Variants in CSMD1 observed in about 807,000 individuals in gnomAD.
The protein encoded by CSMD1 is CUB and Sushi multiple domains 1.
Under a neutral mutation model 417.5 loss-of-function variants are expected in CSMD1, and 213 were observed. That is an observed-to-expected ratio of 0.51 (90% CI 0.46 to 0.57). The LOEUF (loss-of-function observed/expected upper bound fraction) is 0.57, where lower values mean the gene tolerates loss of function less well. CSMD1 is among the 20% of genes least tolerant of loss of function. CSMD1 has a pLI of 0.00. For missense variants in CSMD1, 6,923 were observed against 4,529.7 expected (o/e 1.53, Z -15.17); for synonymous variants, 2,862 against 1,736.8 (o/e 1.65, Z -16.11).
chr8:4,564,150 G>C lies in CSMD1; in HGVS notation c.302+73192C>G, dbSNP rs776757839. 1.2e-4 allele frequency among the ~76,000 whole-genome samples: 19 copies of C among 152,172 alleles called. No individual in the cohort carries two copies. The Middle Eastern group carries it at 0.017, about 136-fold the overall frequency. On this transcript the variant is annotated intron_variant, in intron 2 of 69. Transcript: ENST00000635120. ...TTCTATAAAATGAACACGTATAAAAGGTTCAGAAGATAATGGTCAAGTCAT... is the reference window on the plus strand; with the variant it reads ...TTCTATAAAATGAACACGTATAAAACGTTCAGAAGATAATGGTCAAGTCAT...
intron 3 of CSMD1, among the ~76,000 whole-genome samples, chr8:4,393,763 A>T (rs190110721): frequency 3.5e-4 from 54 of 152,330 alleles, no homozygotes; most frequent in Admixed American, 1.5e-3. Context: ...ATTGCCTTAA[A>T]AACAGAAAAA....
In CSMD1 at chr8:4,994,545, C is replaced by A. The variant is rs543559902; in HGVS notation, c.-129G>T. On this transcript the variant is annotated 5_prime_UTR_variant, in exon 1 of 70. Coordinates refer to ENST00000635120, the MANE Select transcript of CSMD1 (RefSeq NM_033225.6). ...GAGAGCCCGGTCCCAAGACCCGCCG[C>A]GCATCCGACGCCTCCTGAAGGTCTG... 5 of 788,434 alleles carry A rather than the reference C, an allele frequency of 6.3e-6. No individual in the cohort carries two copies. The highest frequency in any genetic ancestry group is 5.1e-5 in the African/African-American group (3 of 58,582). The allele number at this position is 788,434 out of a possible 1,614,324, so 48.8% of individuals were successfully genotyped here.
intron 7 of CSMD1, among the ~76,000 whole-genome samples, chr8:3,707,124 G>C (rs758172903): frequency 6.6e-6 from 1 of 152,136 alleles, no homozygotes; most frequent in Non-Finnish European, 1.5e-5. Context: ...GCAGGACTGA[G>C]CACAGACTAT....
intron 1 of CSMD1, among the ~76,000 whole-genome samples, chr8:4,855,321 G>A (rs957190373): frequency 6.6e-6 from 1 of 152,028 alleles, no homozygotes; most frequent in African/African-American, 2.4e-5. Flanking sequence ...GGAAAAAACA[G>A]AACAGAAAAA....
chr8:4,242,681 T>A (rs1487722527), intron 3 of CSMD1, among the ~76,000 whole-genome samples: 1 of 151,380 alleles, frequency 6.6e-6, no homozygotes, highest in Non-Finnish European at 1.5e-5. Flanking sequence ...CAGACCCCAA[T>A]CCAGGGCTCA....
At chr8:3,185,571 A>G (rs532559777) in intron 36 of CSMD1, among the ~76,000 whole-genome samples, 2 of 152,352 alleles carry the variant, frequency 1.3e-5, no homozygotes, top group African/African-American at 4.8e-5. Flanking sequence ...CCTATTTCTA[A>G]TATTAGGATA....
intron 26 of CSMD1, among the ~76,000 whole-genome samples, chr8:3,237,406 G>A (rs550169221): frequency 2.1e-3 from 322 of 151,650 alleles, no homozygotes; most frequent in African/African-American, 7.4e-3. Context: ...ACAGTGAGCT[G>A]AGATGGCACC....
intron 26 of CSMD1, among the ~76,000 whole-genome samples, chr8:3,254,872 G>C (rs534353847): frequency 1.3e-5 from 2 of 152,056 alleles, no homozygotes; most frequent in Non-Finnish European, 2.9e-5. Context: ...CTCTCAACTT[G>C]TCAAAGTCAT....
chr8:4,827,207 G>C (rs1035337290), intron 1 of CSMD1, among the ~76,000 whole-genome samples: 3 of 152,084 alleles, frequency 2.0e-5, no homozygotes, highest in Non-Finnish European at 4.4e-5. Flanking sequence ...ACCTCAGAAT[G>C]TATCTGCTTT....
At chr8:4,269,554 C>A (rs920361282) in intron 3 of CSMD1, among the ~76,000 whole-genome samples, 1 of 152,118 alleles carries the variant, frequency 6.6e-6, no homozygotes, top group Admixed American at 6.6e-5. Context: ...CATCTGGTAG[C>A]TTTTTTCCTT....
At chr8:3,926,556 A>T (rs1480038256) in intron 5 of CSMD1, among the ~76,000 whole-genome samples, 1 of 151,714 alleles carries the variant, frequency 6.6e-6, no homozygotes, top group Non-Finnish European at 1.5e-5. Flanking sequence ...TTTTTGATTT[A>T]ATTTTTGATG....
At position 3,938,966 on chromosome 8, in the gene CSMD1, G is replaced by T. The variant is rs139634410; in HGVS notation, c.818+58937C>A. Among the ~76,000 whole-genome samples, 1,341 of 151,846 alleles carry T rather than the reference G, an allele frequency of 8.8e-3. 19 individuals carry two copies. The highest frequency in any genetic ancestry group is 0.03 in the African/African-American group (1,254 of 41,246). ...TAGTTCTTAAAAATAATATTCATAG[G>T]CAGGGAGTATGAGAGTGTGGAATGG... On this transcript the variant is annotated intron_variant, in intron 5 of 69. Transcript: ENST00000635120.
chr8:4,567,856 T>C (rs1004184143), intron 2 of CSMD1, among the ~76,000 whole-genome samples: 5 of 152,204 alleles, frequency 3.3e-5, no homozygotes, highest in African/African-American at 9.6e-5. Context: ...AGACTCTACA[T>C]AAGCATGCTG....
intron 7 of CSMD1, among the ~76,000 whole-genome samples, chr8:3,647,965 T>C (rs1797660288): frequency 2.6e-5 from 4 of 152,258 alleles, no homozygotes; most frequent in Admixed American, 2.6e-4. Context: ...GCAGTGATGC[T>C]TGCTGTAAAC....
chr8:4,182,793 G>C (rs900973559), intron 3 of CSMD1, among the ~76,000 whole-genome samples: 1 of 151,974 alleles, frequency 6.6e-6, no homozygotes, highest in South Asian at 2.1e-4. Context: ...ATGAAGTGAA[G>C]GGAATATAAT....
chr8:4,152,592 A>C (rs1351286722), intron 3 of CSMD1, among the ~76,000 whole-genome samples: 1 of 151,968 alleles, frequency 6.6e-6, no homozygotes, highest in Non-Finnish European at 1.5e-5. Context: ...TGGGAGGCTT[A>C]AGTGGGAAGA....
At chr8:3,708,809 A>G (rs1322684732) in intron 6 of CSMD1, among the ~76,000 whole-genome samples, 1 of 152,176 alleles carries the variant, frequency 6.6e-6, no homozygotes, top group African/African-American at 2.4e-5. Flanking sequence ...TCATTCCCCA[A>G]ATTGTTCAGG....
At chr8:4,740,124 T>C (rs998184494) in intron 1 of CSMD1, among the ~76,000 whole-genome samples, 3 of 152,068 alleles carry the variant, frequency 2.0e-5, no homozygotes, top group Non-Finnish European at 4.4e-5. Context: ...TGTATCTCCA[T>C]CATAATTCCC....
chr8:3,634,813 C>T (rs1472894808), intron 7 of CSMD1, among the ~76,000 whole-genome samples: 1 of 152,136 alleles, frequency 6.6e-6, no homozygotes, highest in East Asian at 1.9e-4. Flanking sequence ...AGAAATGCTT[C>T]CTTAGGCGAT....
Sources: allele counts gnomAD v4.1 joint callset (sites outside exome capture counted in the v4.1 genomes callset), GRCh38; gene constraint gnomAD v4.1.1; transcripts MANE v1.5; gene names NCBI Gene and HGNC (gene_info 2026-07-23, HGNC 2026-07-21).